STK33: variants seen among roughly 807,000 people sequenced by gnomAD.
STK33 encodes serine/threonine-protein kinase 33.
In STK33, 52 loss-of-function variants were observed where a neutral mutation model predicts 58.0. The ratio of observed to expected loss-of-function variants is 0.90; its 90% CI spans 0.72 to 1.13. STK33 has a LOEUF of 1.13. STK33 is among the 50% of genes most tolerant of loss of function. The pLI, the probability that STK33 is intolerant of heterozygous loss-of-function variation, is 0.00. For synonymous variants in STK33, 215 were observed against 200.1 expected (o/e 1.07, Z -0.63); for missense variants, 630 against 604.2 (o/e 1.04, Z -0.45).
intron 1 of STK33, among the ~76,000 whole-genome samples, chr11:8,581,554 A>G (rs1429171552): frequency 1.3e-5 from 2 of 152,164 alleles, no homozygotes; most frequent in South Asian, 2.1e-4. Context: ...CATCCCAGAA[A>G]AGACTTAGGA....
Position 8,472,633 on chromosome 11 carries a change from C to T in STK33, c.339+530G>A, listed in dbSNP as rs80295872. Among the ~76,000 whole-genome samples the T allele has an allele frequency of 1.6e-3, 244 of 152,174 alleles. 4 individuals are homozygous for T. In the East Asian group the frequency reaches 0.035, roughly 22 times the overall value. Reference sequence around the variant, plus strand: ...CAATTTTCTTCTTGTTGTGGTTGTTCTTATTGCAGTTTCTTTAATGTTAAA... The same window carrying T: ...CAATTTTCTTCTTGTTGTGGTTGTTTTTATTGCAGTTTCTTTAATGTTAAA... On this transcript the variant is annotated intron_variant, in intron 6 of 15. Coordinates refer to ENST00000687296, the MANE Select transcript of STK33 (RefSeq NM_001352389.2).
At chr11:8,428,161 G>C (rs569615546) in intron 14 of STK33, among the ~76,000 whole-genome samples, 1 of 152,200 alleles carries the variant, frequency 6.6e-6, no homozygotes, top group Non-Finnish European at 1.5e-5. Flanking sequence ...GTATCAGCCA[G>C]GAGTCCTAGA....
At position 8,590,174 on chromosome 11, in the gene STK33, A is replaced by C. The variant is rs539195068; in HGVS notation, c.-466+3909T>G. Among the ~76,000 whole-genome samples, 6 of 152,322 alleles carry C rather than the reference A, an allele frequency of 3.9e-5. No individual in the cohort carries two copies. In the South Asian group the frequency reaches 1.2e-3, roughly 32 times the overall value. On this transcript the variant is annotated intron_variant, in intron 1 of 15. Coordinates refer to ENST00000687296, the MANE Select transcript of STK33 (RefSeq NM_001352389.2). ...CATCTCAACCTTGGAGACTGCATTA[A>C]CATTTTACGTAAGGCTTTTTTATGA...
chr11:8,394,267 T>C (rs1277002040), intron 15 of STK33, among the ~76,000 whole-genome samples: 1 of 152,210 alleles, frequency 6.6e-6, no homozygotes, highest in Non-Finnish European at 1.5e-5. Context: ...TGAGAACAAG[T>C]TGCTTTGTTT....
chr11:8,445,878 G>T (rs910238487), intron 11 of STK33, among the ~76,000 whole-genome samples: 2 of 152,184 alleles, frequency 1.3e-5, no homozygotes, highest in Non-Finnish European at 2.9e-5. Context: ...TTGGTATCAG[G>T]ATGATGCTGG....
chr11:8,374,982 AT>A, the STK33 span, among the ~76,000 whole-genome samples: 1 of 152,182 alleles, frequency 6.6e-6, no homozygotes, highest in Non-Finnish European at 1.5e-5. Context: ...CCTATGAGGA[AT>A]TTTAACAGAT....
intron 1 of STK33, among the ~76,000 whole-genome samples, chr11:8,544,799 TAA>T (rs576783836): frequency 1.6e-3 from 243 of 152,302 alleles, no homozygotes; most frequent in African/African-American, 5.1e-3. Context: ...TTACAAACAC[TAA>T]GTCAATTATA....
the STK33 span, among the ~76,000 whole-genome samples, chr11:8,352,087 C>T: frequency 6.6e-6 from 1 of 152,212 alleles, no homozygotes; most frequent in African/African-American, 2.4e-5. Flanking sequence ...GCCGTCAAAG[C>T]ATCCCCTGGG....
At chr11:8,407,417 T>A (rs545298697) in intron 15 of STK33, among the ~76,000 whole-genome samples, 10 of 152,282 alleles carry the variant, frequency 6.6e-5, no homozygotes, top group African/African-American at 1.9e-4. Context: ...TTTCTCTTAT[T>A]TCTTCTTCAA....
chr11:8,585,773 C>T (rs1339193203), intron 1 of STK33, among the ~76,000 whole-genome samples: 1 of 151,356 alleles, frequency 6.6e-6, no homozygotes, highest in Non-Finnish European at 1.5e-5. Context: ...TAAAAATTAG[C>T]ACCAGGTGCA....
At chr11:8,576,614 T>C (rs1053808321) in intron 1 of STK33, among the ~76,000 whole-genome samples, 3 of 152,210 alleles carry the variant, frequency 2.0e-5, no homozygotes, top group Admixed American at 6.5e-5. Context: ...AATACCTTTT[T>C]TGTGCCAGTA....
chr11:8,335,790 T>A, the STK33 span, among the ~76,000 whole-genome samples: 1 of 152,222 alleles, frequency 6.6e-6, no homozygotes, highest in African/African-American at 2.4e-5. Context: ...ATAAACATTA[T>A]GAATGAGATA....
intron 6 of STK33, chr11:8,467,473 C>T (rs1473761974): frequency 6.6e-6 from 1 of 152,248 alleles, no homozygotes; most frequent in Non-Finnish European, 1.5e-5. Flanking sequence ...CTCCAGTTCC[C>T]AAGAAGTTCC....
chr11:8,407,140 T>C (rs1040855257), intron 15 of STK33, among the ~76,000 whole-genome samples: 6 of 152,130 alleles, frequency 3.9e-5, no homozygotes, highest in Non-Finnish European at 8.8e-5. Context: ...ACATAGTGAA[T>C]TATGTTGTTT....
intron 1 of STK33, among the ~76,000 whole-genome samples, chr11:8,537,262 G>A (rs1955107745): frequency 6.6e-6 from 1 of 151,790 alleles, no homozygotes; most frequent in Non-Finnish European, 1.5e-5. Context: ...TTACAGGCAT[G>A]AGCCACCATG....
At chr11:8,555,659 C>T (rs1156851362) in intron 1 of STK33, among the ~76,000 whole-genome samples, 2 of 151,358 alleles carry the variant, frequency 1.3e-5, no homozygotes, top group Non-Finnish European at 2.9e-5. Flanking sequence ...AGCGAGACTC[C>T]ATCTTAAAAT....
rs567498309 is a variant in STK33 at position 8,425,538 on chromosome 11, T to C, written c.1146+9956A>G. 1.2e-3 allele frequency among the ~76,000 whole-genome samples: 178 copies of C among 152,332 alleles called. 1 individual carries two copies. Among genetic ancestry groups the C allele is most frequent in the Non-Finnish European group, 2.1e-3 (141 of 68,034 alleles). Reference sequence around the variant, plus strand: ...TTCTGTGAAGAAAGTCATTGGTAGGTGTTAAGGTATATTTAATTGGTATTA... The same window carrying C: ...TTCTGTGAAGAAAGTCATTGGTAGGCGTTAAGGTATATTTAATTGGTATTA... On this transcript the variant is annotated intron_variant, in intron 14 of 15. Transcript: ENST00000687296.
At chr11:8,554,781 A>G (rs1257341594) in intron 1 of STK33, among the ~76,000 whole-genome samples, 2 of 152,276 alleles carry the variant, frequency 1.3e-5, no homozygotes, top group East Asian at 1.9e-4. Context: ...ACCAAAATCC[A>G]TATGTCAGAA....
chr11:8,436,032 T>G lies in STK33; in HGVS notation c.1055A>C (p.Asp352Ala), dbSNP rs1348984001. ...FENAVWNSIS[D>A]CAKSVLKQLM... ...AATAACGCATCTATACTTACCACAG[T>G]CACTTATGGAATTCCAGACTGCATT... is the stretch of plus-strand genomic sequence containing the variant. The change falls in exon 13 of 16, where the codon GAC becomes GCC. Residue 352 changes from aspartate (D) to alanine (A), a missense_variant. Coordinates refer to ENST00000687296, the MANE Select transcript of STK33 (RefSeq NM_001352389.2). The G allele has an allele frequency of 6.4e-7, 1 of 1,563,240 alleles. No individual in the cohort carries two copies. The highest frequency in any genetic ancestry group is 2.3e-5 in the East Asian group (1 of 44,140).
Sources: allele counts gnomAD v4.1 joint callset (sites outside exome capture counted in the v4.1 genomes callset), GRCh38; gene constraint gnomAD v4.1.1; transcripts MANE v1.5; gene names NCBI Gene and HGNC (gene_info 2026-07-23, HGNC 2026-07-21).